Variants in DDX11 observed in about 807,000 individuals in gnomAD.
DDX11 encodes ATP-dependent DNA helicase DDX11.
A neutral mutation model predicts 125.2 loss-of-function variants in DDX11; 72 were observed. That is an observed-to-expected ratio of 0.58 (90% CI 0.48 to 0.70). The LOEUF (loss-of-function observed/expected upper bound fraction) is 0.70, where lower values mean the gene tolerates loss of function less well. Ranked by LOEUF, DDX11 falls within the 30% of genes least tolerant of loss-of-function variation. The pLI, the probability that DDX11 is intolerant of heterozygous loss-of-function variation, is 0.00. For synonymous variants in DDX11, 347 were observed against 452.6 expected, an observed-to-expected ratio of 0.77 and a Z score of 2.96; for missense variants, 883 against 1,165.0, an observed-to-expected ratio of 0.76 and a Z score of 3.52.
rs774085316 is a variant in DDX11 at position 31,087,965 on chromosome 12, G to T, written c.666G>T (p.Glu222Asp). The change falls in exon 6 of 27, where the codon GAG becomes GAT. Residue 222 changes from glutamate to aspartate, a missense_variant. Around this residue, in one of 5 missense-constraint regions of DDX11, gnomAD observed 283 missense variants for 359.6 expected, o/e 0.79. Coordinates refer to ENST00000542838, the MANE Select transcript of DDX11 (RefSeq NM_030653.4). ...TGGATGAGGATGAGGATGACCTGGA[G>T]GAAGAACACATAACTAAGGTAACAC... Reference protein sequence around the residue: ...SRVDEDEDDLEEEHITKIYYC... With the variant: ...SRVDEDEDDLDEEHITKIYYC... 1.9e-6 allele frequency: 3 copies of T among 1,607,846 alleles called. No homozygotes were observed. Among genetic ancestry groups the T allele is most frequent in the Non-Finnish European group, 2.5e-6 (3 of 1,177,608 alleles).
chr12:31,085,894 C>T (rs1943036967), intron 5 of DDX11: 2 of 374,124 alleles, frequency 5.3e-6, no homozygotes, highest in African/African-American at 2.1e-5. Flanking sequence ...TGGGGGGCTG[C>T]ACCTGATGAT....
rs781237110 is a variant in DDX11 at position 31,103,683 on chromosome 12, T to C, written c.2643T>C (p.Arg881=). The C allele has an allele frequency of 1.5e-4, 237 of 1,613,850 alleles. No individual in the cohort carries two copies. The highest frequency in any genetic ancestry group is 2.0e-4 in the Non-Finnish European group (232 of 1,180,004). ...AGCTGCCGGCCTGGATCCGAGCCCGTGTGGAGGTCAAAGCTACCTTTGGCC... is the reference window on the plus strand; with the variant it reads ...AGCTGCCGGCCTGGATCCGAGCCCGCGTGGAGGTCAAAGCTACCTTTGGCC... ...LAKLPAWIRA[R]VEVKATFGPA... Residue 881 remains arginine (R), a synonymous_variant, in exon 26 of 27, where the codon CGT becomes CGC. Transcript: ENST00000542838.
At position 31,104,028 on chromosome 12, in the gene DDX11, G is replaced by T; in HGVS notation, c.*192G>T. On this transcript the variant is annotated 3_prime_UTR_variant, in exon 27 of 27. Transcript: ENST00000542838. ...CCGTAGGAGAAAATGGGGGAATCCTGAATGAACAGTGGGTCCTGGCTGTCC... is the reference window on the plus strand; with the variant it reads ...CCGTAGGAGAAAATGGGGGAATCCTTAATGAACAGTGGGTCCTGGCTGTCC... 5 of 1,551,896 alleles carry T rather than the reference G, an allele frequency of 3.2e-6. No individual in the cohort carries two copies. Among genetic ancestry groups the T allele is most frequent in the Non-Finnish European group, 4.4e-6 (5 of 1,147,404 alleles).
In DDX11 at chr12:31,096,842, C is replaced by G. The variant is rs368696054; in HGVS notation, c.1631-17C>G. The G allele has an allele frequency of 6.5e-5, 105 of 1,614,180 alleles. 3 individuals carry two copies. In the South Asian group the frequency reaches 1.1e-3, roughly 17 times the overall value. On this transcript the variant is annotated splice_polypyrimidine_tract_variant and intron_variant, in intron 16 of 26. Coordinates refer to ENST00000542838, the MANE Select transcript of DDX11 (RefSeq NM_030653.4). ...CCTGACCAGAGGGAGGCCTCCTCCCCGTTCTGCTCTGTGCAGCTCTTGCAG... is the reference window on the plus strand; with the variant it reads ...CCTGACCAGAGGGAGGCCTCCTCCCGGTTCTGCTCTGTGCAGCTCTTGCAG...
At chr12:31,095,370 C>G (rs1945042796) in intron 14 of DDX11, among the ~76,000 whole-genome samples, 2 of 152,196 alleles carry the variant, frequency 1.3e-5, no homozygotes, top group South Asian at 4.1e-4. Flanking sequence ...CTAGGATATC[C>G]TTTTGCCCCA....
At position 31,083,849 on chromosome 12, in the gene DDX11, T is replaced by G; in HGVS notation, c.181T>G (p.Trp61Gly). The G allele has an allele frequency of 1.2e-6, 2 of 1,612,324 alleles. No individual in the cohort carries two copies. The highest frequency in any genetic ancestry group is 1.7e-6 in the Non-Finnish European group (2 of 1,179,824). Residue 61 changes from tryptophan to glycine, a missense_variant, in exon 3 of 27, where the codon TGG becomes GGG. Trp to Gly is a radical substitution (Grantham distance 184). This residue lies in a region of DDX11 where 283 missense variants were observed against 359.6 expected (regional missense o/e 0.79). Transcript: ENST00000542838. ...AAGTCTTATTTGTGGGGCCCTCTCT[T>G]GGCTCCGTGACTTTGAACAGAAGAA... ...SLSLICGALS[W>G]LRDFEQKKRE...
chr12:31,083,536 TCTGATAAA>T (rs1352706970), intron 2 of DDX11, among the ~76,000 whole-genome samples: 1 of 152,156 alleles, frequency 6.6e-6, no homozygotes, highest in African/African-American at 2.4e-5. Context: ...TTACATAGAA[TCTGATAAA>T]CTGCTTCAAA....
Position 31,096,731 on chromosome 12 carries a change from C to T in DDX11, c.1616C>T (p.Pro539Leu). Reference protein sequence around the residue: ...GFQQFLQSLQPRTTEALAAPA... With the variant: ...GFQQFLQSLQLRTTEALAAPA... ...CAGCAATTCCTGCAGAGCCTGCAGC[C>T]CAGGACGACTGAAGGTGAGGCAGGA... The change falls in exon 16 of 27, where the codon CCC becomes CTC. Residue 539 changes from proline (P) to leucine (L), a missense_variant. This residue lies in a region of DDX11 where 241 missense variants were observed against 279.7 expected (regional missense o/e 0.86). Transcript: ENST00000542838. 1 of 1,614,178 alleles carries T rather than the reference C, an allele frequency of 6.2e-7. No homozygotes were observed. The highest frequency in any genetic ancestry group is 1.7e-4 in the Middle Eastern group (1 of 6,060).
At chr12:31,076,907 A>C (rs1940804799) in intron 1 of DDX11, 1 of 153,056 alleles carries the variant, frequency 6.5e-6, no homozygotes, top group Non-Finnish European at 1.5e-5. Context: ...CTGTGAAGAC[A>C]GAGGGTAAAA....
At chr12:31,084,386 C>T (rs1469016513) in intron 3 of DDX11, among the ~76,000 whole-genome samples, 197 bp from the exon 4 acceptor site, 5 of 152,174 alleles carry the variant, frequency 3.3e-5, no homozygotes, top group East Asian at 1.9e-4. Context: ...AGGAGTGTGC[C>T]GCCTTCCGCA....
rs759542276 is a variant in DDX11, at chr12:31,089,475, C to G, written c.865C>G (p.Gln289Glu). Reference sequence around the variant, plus strand: ...TATCAACGACCGCTGTGTGGACATGCAGAGAAGCAGGCACGGTAGCCACTG... The same window carrying G: ...TATCAACGACCGCTGTGTGGACATGGAGAGAAGCAGGCACGGTAGCCACTG... ...QLINDRCVDM[Q>E]RSRHEKKKGA... The change falls in exon 8 of 27, where the codon CAG (glutamine) becomes GAG (glutamate). Residue 289 changes from glutamine to glutamate, a missense_variant. This residue lies in a region of DDX11 where 283 missense variants were observed against 359.6 expected (regional missense o/e 0.79). Coordinates refer to ENST00000542838, the MANE Select transcript of DDX11 (RefSeq NM_030653.4). 1 of 1,613,726 alleles carries G rather than the reference C, an allele frequency of 6.2e-7. No individual in the cohort carries two copies. Among genetic ancestry groups the G allele is most frequent in the South Asian group, 1.1e-5 (1 of 91,064 alleles).
rs371676005 is a variant in DDX11, at chr12:31,092,890, C to T, written c.1287C>T (p.Tyr429=). Residue 429 remains tyrosine, a splice_region_variant and synonymous_variant, in exon 11 of 27, where the codon TAC becomes TAT. Coordinates refer to ENST00000542838, the MANE Select transcript of DDX11 (RefSeq NM_030653.4). ...AGCTGCTGCAGTACGTGGAGCGATA[C>T]GGGTGAGATGTGACCCTCTGAGGTA... The part of the protein sequence containing the change: ...HSQLLQYVER[Y]GKRLKAKNLM... The T allele has an allele frequency of 7.4e-6, 12 of 1,613,898 alleles. No homozygotes were observed. The Admixed American group carries it at 1.2e-4, about 16-fold the overall frequency.
At chr12:31,095,352 G>C (rs970065371) in intron 14 of DDX11, among the ~76,000 whole-genome samples, 10 of 152,214 alleles carry the variant, frequency 6.6e-5, no homozygotes, top group African/African-American at 2.4e-4. Context: ...CATGTGCTGT[G>C]CTCTGAGCTA....
At chr12:31,093,377 CT>C (rs1565895727) in intron 12 of DDX11, 53 bp downstream of exon 12, 1 of 1,610,426 alleles carries the variant, frequency 6.2e-7, no homozygotes, top group Non-Finnish European at 8.5e-7. Context: ...CGCTGGGCTG[CT>C]TTTTCCTTGG....
intron 20 of DDX11, 157 bp downstream of exon 20, chr12:31,101,287 T>G (rs6487974): frequency 0.51 from 347,509 of 685,758 alleles, 92,651 homozygotes; most frequent in East Asian, 0.84. Context: ...GGCGTCGATC[T>G]AGATGCTTAT....
chr12:31,078,007 G>A, intron 1 of DDX11: 1 of 365,266 alleles, frequency 2.7e-6, no homozygotes, highest in Non-Finnish European at 5.3e-6. Context: ...AGAGACGTGG[G>A]AGAAGAAAGC....
chr12:31,100,557 T>C, intron 18 of DDX11, 78 bp from the exon 19 acceptor site: 1 of 1,335,370 alleles, frequency 7.5e-7, no homozygotes, highest in Non-Finnish European at 1.0e-6. Context: ...TGCTGTCTCT[T>C]AGCCCAGACT....
chr12:31,084,423 G>A (rs1942641308), intron 3 of DDX11, among the ~76,000 whole-genome samples, 160 bp from the exon 4 acceptor site: 1 of 152,242 alleles, frequency 6.6e-6, no homozygotes, highest in South Asian at 2.1e-4. Context: ...GGACCGGCAG[G>A]GATGAGGTCC....
intron 18 of DDX11, among the ~76,000 whole-genome samples, chr12:31,100,142 A>T (rs1427269611): frequency 6.6e-6 from 1 of 152,098 alleles, no homozygotes; most frequent in African/African-American, 2.4e-5. Flanking sequence ...ACTCCTAAAT[A>T]TGGGATTCCT....
Sources: allele counts gnomAD v4.1 joint callset (sites outside exome capture counted in the v4.1 genomes callset), GRCh38; gene constraint gnomAD v4.1.1; regional missense constraint gnomAD v4.1.1; transcripts MANE v1.5; gene names NCBI Gene and HGNC (gene_info 2026-07-23, HGNC 2026-07-21).